The following ARHGAP24 variants were observed in gnomAD, a reference collection of about 807,000 sequenced individuals.
The protein encoded by ARHGAP24 is rho GTPase-activating protein 24.
Under a neutral mutation model 76.4 loss-of-function variants are expected in ARHGAP24, and 50 were observed. The observed-to-expected ratio is 0.65, with a 90% CI of 0.52 to 0.83. The LOEUF (loss-of-function observed/expected upper bound fraction) is 0.83, where lower values mean the gene tolerates loss of function less well. Among genes scored for constraint, ARHGAP24 ranks in the 40% least tolerant of loss-of-function variants. The pLI, the probability that ARHGAP24 is intolerant of heterozygous loss-of-function variation, is 0.00. For missense variants in ARHGAP24, 930 were observed against 914.2 expected (o/e 1.02, Z -0.22); for synonymous variants, 345 against 323.3 (o/e 1.07, Z -0.72).
At chr4:85,626,899 G>A (rs1028921436) in intron 2 of ARHGAP24, among the ~76,000 whole-genome samples, 3 of 152,096 alleles carry the variant, frequency 2.0e-5, no homozygotes, top group Non-Finnish European at 4.4e-5. Context: ...TTGTCATGTA[G>A]CTCTCGTGCC....
At chr4:85,762,100 A>G (rs764173289) in intron 3 of ARHGAP24, among the ~76,000 whole-genome samples, 6 of 152,196 alleles carry the variant, frequency 3.9e-5, no homozygotes, top group Admixed American at 6.5e-5. Flanking sequence ...CATCTTCAGT[A>G]TTCTACTTAA....
chr4:85,946,702 G>A (rs889653630), intron 5 of ARHGAP24, among the ~76,000 whole-genome samples: 1 of 152,134 alleles, frequency 6.6e-6, no homozygotes, highest in African/African-American at 2.4e-5. Flanking sequence ...TGGTATATAT[G>A]TACCACTTTT....
chr4:85,841,108 C>A (rs533236060), intron 3 of ARHGAP24, among the ~76,000 whole-genome samples: 6 of 152,298 alleles, frequency 3.9e-5, no homozygotes, highest in African/African-American at 1.4e-4. Flanking sequence ...AGAAAAACTG[C>A]TCAGTAGGCT....
At chr4:85,984,423 T>C (rs1220976050) in intron 8 of ARHGAP24, among the ~76,000 whole-genome samples, 1 of 152,198 alleles carries the variant, frequency 6.6e-6, no homozygotes, top group African/African-American at 2.4e-5. Context: ...TTACTTGCTG[T>C]GTCCTCACTT....
In ARHGAP24 at chr4:85,570,546, A is replaced by G; in HGVS notation, c.5A>G (p.Glu2Gly). The G allele has an allele frequency of 6.2e-7, 1 of 1,613,634 alleles. No homozygotes were observed. Among genetic ancestry groups the G allele is most frequent in the Non-Finnish European group, 8.5e-7 (1 of 1,179,912 alleles). Residue 2 changes from glutamate (E) to glycine (G), a missense_variant, in exon 2 of 10, where the codon GAG becomes GGG. Glu to Gly is a moderately conservative substitution (Grantham distance 98). Coordinates refer to ENST00000395184, the MANE Select transcript of ARHGAP24 (RefSeq NM_001025616.3). ...GGAAAGTCCATCAGCTTGATAATGG[A>G]GGAGAACAATGACTCCACGGAGAAC... M[E>G]ENNDSTENPQ...
At chr4:85,870,500 A>C (rs1241410004) in intron 3 of ARHGAP24, among the ~76,000 whole-genome samples, 1 of 152,160 alleles carries the variant, frequency 6.6e-6, no homozygotes, top group East Asian at 1.9e-4. Flanking sequence ...GCTGTGTATG[A>C]CAGCTTTATG....
chr4:85,817,131 T>G (rs187014823), intron 3 of ARHGAP24, among the ~76,000 whole-genome samples: 1 of 152,308 alleles, frequency 6.6e-6, no homozygotes, highest in Non-Finnish European at 1.5e-5. Flanking sequence ...TTGTTTTCTC[T>G]TTATTAAGTT....
chr4:85,642,075 AT>A (rs1370246736), intron 2 of ARHGAP24, among the ~76,000 whole-genome samples: 4 of 152,140 alleles, frequency 2.6e-5, no homozygotes, highest in Non-Finnish European at 4.4e-5. Flanking sequence ...CCTTTCTGAA[AT>A]GGGAGTCTTG....
intron 1 of ARHGAP24, among the ~76,000 whole-genome samples, chr4:85,508,906 A>G (rs1724165655): frequency 6.6e-6 from 1 of 151,414 alleles, no homozygotes; most frequent in South Asian, 2.1e-4. Context: ...CCCCTGTGAC[A>G]TTTCCTCCTC....
At chr4:85,889,731 C>T (rs1164053624) in intron 3 of ARHGAP24, among the ~76,000 whole-genome samples, 1 of 152,172 alleles carries the variant, frequency 6.6e-6, no homozygotes, top group Non-Finnish European at 1.5e-5. Context: ...GAAATTCACA[C>T]AGCAACTGAA....
At chr4:85,611,553 T>G (rs1720381854) in intron 2 of ARHGAP24, among the ~76,000 whole-genome samples, 1 of 152,240 alleles carries the variant, frequency 6.6e-6, no homozygotes, top group Non-Finnish European at 1.5e-5. Flanking sequence ...ATGGAAAAGT[T>G]TGGATTTATT....
intron 1 of ARHGAP24, among the ~76,000 whole-genome samples, chr4:85,545,098 T>A (rs892412261): frequency 1.3e-5 from 2 of 151,906 alleles, no homozygotes; most frequent in Non-Finnish European, 2.9e-5. Context: ...CAGTTTCTTT[T>A]TTTTTTAAAT....
Position 85,928,034 on chromosome 4 carries a change from C to T in ARHGAP24, c.391+4264C>T, listed in dbSNP as rs572903987. Among the ~76,000 whole-genome samples the T allele has an allele frequency of 8.5e-5, 13 of 152,210 alleles. No homozygotes were observed. The South Asian group carries it at 2.7e-3, about 32-fold the overall frequency. The stretch of plus-strand genomic sequence containing the variant: ...TAAAATACTCATATGGGGCAGGGAA[C>T]CAAGGGAAACGTGAAAAGTGTTGAA... On this transcript the variant is annotated intron_variant, in intron 4 of 9. Coordinates refer to ENST00000395184, the MANE Select transcript of ARHGAP24 (RefSeq NM_001025616.3).
chr4:85,769,014 T>C (rs983430022), intron 3 of ARHGAP24, among the ~76,000 whole-genome samples: 1 of 152,180 alleles, frequency 6.6e-6, no homozygotes, highest in Non-Finnish European at 1.5e-5. Flanking sequence ...TGATGAAGGA[T>C]GAGGATCTTT....
chr4:85,777,263 G>C (rs1727341949), intron 3 of ARHGAP24, among the ~76,000 whole-genome samples: 1 of 152,162 alleles, frequency 6.6e-6, no homozygotes, highest in South Asian at 2.1e-4. Flanking sequence ...TAAGCATACT[G>C]CTTCCTGCCA....
At chr4:85,494,381 T>A in intron 1 of ARHGAP24, among the ~76,000 whole-genome samples, 1 of 152,190 alleles carries the variant, frequency 6.6e-6, no homozygotes, top group East Asian at 1.9e-4. Context: ...GTGTTTGGTT[T>A]TCTGTTCCTG....
intron 3 of ARHGAP24, among the ~76,000 whole-genome samples, chr4:85,913,066 C>G (rs958013364): frequency 6.6e-6 from 1 of 152,088 alleles, no homozygotes; most frequent in Non-Finnish European, 1.5e-5. Context: ...TGAATAATTC[C>G]CATGAACATA....
chr4:85,531,888 C>G (rs1333758149), intron 1 of ARHGAP24, among the ~76,000 whole-genome samples: 1 of 152,014 alleles, frequency 6.6e-6, no homozygotes, highest in Non-Finnish European at 1.5e-5. Context: ...ATGATCAATT[C>G]CCATGGGTCT....
At chr4:85,748,188 C>G (rs1378023826) in intron 3 of ARHGAP24, among the ~76,000 whole-genome samples, 1 of 152,230 alleles carries the variant, frequency 6.6e-6, no homozygotes, top group African/African-American at 2.4e-5. Flanking sequence ...AGTGAGCAAC[C>G]TGGCCATCCC....
Sources: gnomAD v4.1 joint callset for allele counts (sites outside exome capture counted in the v4.1 genomes callset) on GRCh38, gnomAD v4.1.1 for gene constraint, MANE v1.5 for transcripts, NCBI Gene and HGNC (gene_info 2026-07-23, HGNC 2026-07-21) for gene names.